SYTL5: variants seen among roughly 807,000 people sequenced by gnomAD.
SYTL5 encodes synaptotagmin like 5.
In SYTL5, 34 loss-of-function variants were observed where a neutral mutation model predicts 55.9. The observed-to-expected ratio is 0.61, with a 90% CI of 0.46 to 0.81. SYTL5 has a LOEUF of 0.81. SYTL5 is among the 30% of genes least tolerant of loss of function. The pLI, the probability that SYTL5 is intolerant of heterozygous loss-of-function variation, is 0.00. For synonymous variants in SYTL5, 221 were observed against 188.7 expected (o/e 1.17, Z -1.40); for missense variants, 637 against 546.7 (o/e 1.17, Z -1.65).
At chrX:37,980,996 T>A in the SYTL5 span, among the ~76,000 whole-genome samples, 1 of 112,339 alleles carries the variant, frequency 8.9e-6, no homozygotes, top group Non-Finnish European at 1.9e-5. Context: ...ACTCAGAGAA[T>A]AATGTGCCAT....
At chrX:38,008,566 A>T (rs1476904048) in intron 1 of SYTL5, among the ~76,000 whole-genome samples, 9 of 111,843 alleles carry the variant, frequency 8.0e-5, no homozygotes, top group Admixed American at 2.8e-4. Flanking sequence ...GAGCTCCTAG[A>T]GGAACAAAAT....
At chrX:37,934,157 G>A in the SYTL5 span, among the ~76,000 whole-genome samples, 5 of 110,667 alleles carry the variant, frequency 4.5e-5, no homozygotes, top group African/African-American at 1.3e-4. Context: ...TTTAAATTAC[G>A]AGGCATGCAA....
intron 15 of SYTL5, among the ~76,000 whole-genome samples, chrX:38,122,710 G>A (rs1354322739): frequency 1.8e-5 from 2 of 112,071 alleles, no homozygotes; most frequent in African/African-American, 6.5e-5. Flanking sequence ...CTAGGCATTT[G>A]TGCCCAAGTT....
chrX:37,918,261 G>A, the SYTL5 span, among the ~76,000 whole-genome samples: 4 of 111,762 alleles, frequency 3.6e-5, no homozygotes, highest in Non-Finnish European at 7.5e-5. Flanking sequence ...GCTTGAAAAA[G>A]CATGTGCACA....
At chrX:37,955,652 G>A in the SYTL5 span, among the ~76,000 whole-genome samples, 2 of 111,808 alleles carry the variant, frequency 1.8e-5, no homozygotes, top group African/African-American at 3.2e-5. Context: ...TACACTGGCC[G>A]GGAAATGTAA....
intron 13 of SYTL5, among the ~76,000 whole-genome samples, chrX:38,113,323 C>T (rs1414918649): frequency 8.9e-6 from 1 of 112,302 alleles, no homozygotes; most frequent in Non-Finnish European, 1.9e-5. Flanking sequence ...AGCAAGCTTA[C>T]GTGGTTTTCC....
chrX:38,110,185 A>G lies in SYTL5; in HGVS notation c.1435-136A>G, dbSNP rs1937322513. The G allele has an allele frequency of 7.6e-6, 3 of 396,134 alleles. No homozygotes were observed. In the South Asian group the frequency reaches 3.0e-4, roughly 40 times the overall value. The allele number at this position is 396,134 out of a possible 1,213,427, so 32.6% of individuals were successfully genotyped here. On this transcript the variant is annotated intron_variant, in intron 12 of 16. Coordinates refer to ENST00000297875, the MANE Select transcript of SYTL5 (RefSeq NM_138780.3). ...TTGTAGCAGAAACAAAGAAAAACAA[A>G]GAGTTTTCTTTGTGTTTGTTTTGTT...
chrX:38,022,109 T>C (rs765368360), intron 1 of SYTL5, among the ~76,000 whole-genome samples: 1 of 112,763 alleles, frequency 8.9e-6, no homozygotes. Context: ...GATTTAAAAT[T>C]ACTCTGTCAA....
intron 2 of SYTL5, among the ~76,000 whole-genome samples, chrX:38,036,002 A>G (rs911564839): frequency 1.8e-5 from 2 of 111,340 alleles, no homozygotes; most frequent in African/African-American, 6.6e-5. Context: ...GTCATTATCA[A>G]TAACTTGTAT....
At chrX:37,935,897 C>T in the SYTL5 span, among the ~76,000 whole-genome samples, 3 of 112,105 alleles carry the variant, frequency 2.7e-5, no homozygotes, top group Admixed American at 1.9e-4. Context: ...TCCTGCTTGA[C>T]GAGTAATCGC....
chrX:37,946,397 T>A, the SYTL5 span: 1 of 191,269 alleles, frequency 5.2e-6, no homozygotes, highest in Non-Finnish European at 9.8e-6. Context: ...GTAAATAGAT[T>A]CATAAAATTC....
chrX:37,988,699 T>C, the SYTL5 span, among the ~76,000 whole-genome samples: 1 of 112,301 alleles, frequency 8.9e-6, no homozygotes, highest in African/African-American at 3.2e-5. Context: ...TAAATTATCA[T>C]AAACAAACTA....
chrX:37,904,274 G>C, the SYTL5 span, among the ~76,000 whole-genome samples: 9 of 104,235 alleles, frequency 8.6e-5, no homozygotes, highest in African/African-American at 2.5e-4. Context: ...CCGGGGGGGG[G>C]GGTGATATTT....
At chrX:37,917,569 C>T in the SYTL5 span, among the ~76,000 whole-genome samples, 8 of 111,835 alleles carry the variant, frequency 7.2e-5, no homozygotes, top group Non-Finnish European at 1.3e-4. Context: ...TTTCCATTTC[C>T]TTATCTAATT....
intron 2 of SYTL5, among the ~76,000 whole-genome samples, chrX:38,038,560 C>A (rs759942377): frequency 2.7e-5 from 3 of 111,846 alleles, no homozygotes; most frequent in South Asian, 3.7e-4. Flanking sequence ...TGGGGGGAGT[C>A]TAAAGGAAGA....
the SYTL5 span, among the ~76,000 whole-genome samples, chrX:37,908,264 G>A: frequency 8.9e-6 from 1 of 111,757 alleles, no homozygotes; most frequent in South Asian, 3.7e-4. Context: ...CAAGACACTC[G>A]GTCCTAATCC....
the SYTL5 span, among the ~76,000 whole-genome samples, chrX:37,958,080 G>T: frequency 9.1e-6 from 1 of 110,425 alleles, no homozygotes; most frequent in Non-Finnish European, 1.9e-5. Context: ...GGAGTAGTGG[G>T]CACCTGTAAT....
chrX:38,025,227 ACAGT>A (rs1256020149), intron 1 of SYTL5, among the ~76,000 whole-genome samples: 1 of 112,458 alleles, frequency 8.9e-6, no homozygotes, highest in Non-Finnish European at 1.9e-5. Flanking sequence ...TCACATGGTG[ACAGT>A]CAAACAGGAA....
At chrX:38,077,343 C>T (rs1218634508) in intron 6 of SYTL5, among the ~76,000 whole-genome samples, 6 of 111,559 alleles carry the variant, frequency 5.4e-5, no homozygotes, top group Admixed American at 4.8e-4. Flanking sequence ...TCAAAGCTAG[C>T]AATGAGAAAA....
Sources: allele counts gnomAD v4.1 joint callset (sites outside exome capture counted in the v4.1 genomes callset), GRCh38; gene constraint gnomAD v4.1.1; transcripts MANE v1.5; gene names NCBI Gene and HGNC (gene_info 2026-07-23, HGNC 2026-07-21).